CNOT4: variants seen among roughly 807,000 people sequenced by gnomAD.
CNOT4 encodes the protein CCR4-NOT transcription complex subunit 4, also known as CCR4-associated factor 4.
CNOT4 carries 8 observed loss-of-function variants against 73.8 expected under a neutral mutation model. That is an observed-to-expected ratio of 0.11 (90% CI 0.06 to 0.20). CNOT4 has a LOEUF of 0.20. Ranked by LOEUF, CNOT4 falls within the 10% of genes least tolerant of loss-of-function variation. The pLI is 1.00. For missense variants in CNOT4, 564 were observed against 883.4 expected (o/e 0.64, Z 4.58); for synonymous variants, 293 against 321.1 (o/e 0.91, Z 0.94).
chr7:135,381,176 A>G (rs904056756), intron 10 of CNOT4, among the ~76,000 whole-genome samples: 4 of 152,246 alleles, frequency 2.6e-5, no homozygotes, highest in African/African-American at 9.6e-5. Flanking sequence ...AAATACATGA[A>G]TAGACATAGG....
At chr7:135,500,372 T>G (rs570900079) in intron 1 of CNOT4, among the ~76,000 whole-genome samples, 80 of 152,178 alleles carry the variant, frequency 5.3e-4, no homozygotes, top group Non-Finnish European at 8.5e-4. Flanking sequence ...AAATAAAATG[T>G]AAAATTTTCC....
chr7:135,456,673 A>G (rs184532842), intron 1 of CNOT4, among the ~76,000 whole-genome samples: 20 of 152,198 alleles, frequency 1.3e-4, no homozygotes, highest in African/African-American at 4.8e-4. Context: ...AATCATGTCT[A>G]GATTACTTAT....
chr7:135,363,228 T>C lies in CNOT4; in HGVS notation c.1841-42A>G. ...AAAAAGAGGGAAAATGGTGAGTTTG[T>C]GTGGAAAGAATAAGGTCGTCAAACA... is the stretch of plus-strand genomic sequence containing the variant. On this transcript the variant is annotated intron_variant, in intron 11 of 11. Transcript: ENST00000541284. This position sits in a 1 kb window ranked among gnomAD's most constrained non-coding sequence, Gnocchi z 4.3. 5 of 1,588,446 alleles carry C rather than the reference T, an allele frequency of 3.1e-6. No individual in the cohort carries two copies. The African/African-American group carries it at 4.0e-5, about 13-fold the overall frequency.
chr7:135,379,337 G>A (rs1333226972), intron 10 of CNOT4, among the ~76,000 whole-genome samples: 2 of 152,160 alleles, frequency 1.3e-5, no homozygotes, highest in Non-Finnish European at 2.9e-5. Flanking sequence ...TTAAAATGCA[G>A]GTGAGGTCTT....
At chr7:135,497,904 ATAGAG>A (rs754578195) in intron 1 of CNOT4, among the ~76,000 whole-genome samples, 6 of 152,362 alleles carry the variant, frequency 3.9e-5, no homozygotes, top group Non-Finnish European at 7.3e-5. Context: ...TACTGAATTA[ATAGAG>A]AAATTCAAAG....
At chr7:135,483,329 C>A (rs1802510155) in intron 1 of CNOT4, among the ~76,000 whole-genome samples, 1 of 149,704 alleles carries the variant, frequency 6.7e-6, no homozygotes, top group African/African-American at 2.5e-5. Context: ...CAGTTTAAGA[C>A]TTTGTCTCAA....
At chr7:135,424,327 T>C (rs1798372195) in intron 2 of CNOT4, among the ~76,000 whole-genome samples, 1 of 152,258 alleles carries the variant, frequency 6.6e-6, no homozygotes, top group Admixed American at 6.5e-5. Context: ...TTGAAGCTAT[T>C]TGGAGCTCTA....
At chr7:135,457,457 G>GT (rs1329477404) in intron 1 of CNOT4, among the ~76,000 whole-genome samples, 7 of 152,004 alleles carry the variant, frequency 4.6e-5, no homozygotes, top group Admixed American at 4.6e-4. Flanking sequence ...ATCTCGCATT[G>GT]TAAGGGATAT....
chr7:135,410,707 C>A, intron 6 of CNOT4, 59 bp from the exon 7 acceptor site: 1 of 1,221,988 alleles, frequency 8.2e-7, no homozygotes, highest in Non-Finnish European at 1.1e-6. Context: ...GTATAAAATA[C>A]TGAATAATCT....
intron 10 of CNOT4, among the ~76,000 whole-genome samples, chr7:135,370,590 T>C (rs1373998618): frequency 6.6e-6 from 1 of 152,220 alleles, no homozygotes; most frequent in African/African-American, 2.4e-5. Flanking sequence ...ACAACTCCGC[T>C]GAAAAGCCTG....
At chr7:135,382,020 T>A (rs1229595976) in intron 10 of CNOT4, among the ~76,000 whole-genome samples, 1 of 152,174 alleles carries the variant, frequency 6.6e-6, no homozygotes, top group East Asian at 1.9e-4. Context: ...AAGTCAATAG[T>A]TGCCTTAGGA....
rs922802351 is a variant in CNOT4 at position 135,447,065 on chromosome 7, T to C, written c.-92-8642A>G. On this transcript the variant is annotated intron_variant, in intron 1 of 11. Transcript: ENST00000541284. ...CATGCAGCTACAACATGGCTTCCAG[T>C]AAATACTAAGCATTCACACATTTGA... Among the ~76,000 whole-genome samples, 9 of 144,024 alleles carry C rather than the reference T, an allele frequency of 6.2e-5. No homozygotes were observed. In the South Asian group the frequency reaches 6.8e-4, roughly 11 times the overall value. 94.5% of individuals were successfully genotyped at this position (144,024 alleles called of 152,430 possible). A position where few individuals can be genotyped will look rare whatever the true frequency, so the allele number is the denominator to read the frequency against.
intron 1 of CNOT4, among the ~76,000 whole-genome samples, chr7:135,491,688 A>G (rs1803122295): frequency 6.6e-6 from 1 of 152,212 alleles, no homozygotes; most frequent in Admixed American, 6.5e-5. Context: ...ACAGAAAGAG[A>G]GCAAGAAAGA....
chr7:135,496,446 A>G (rs942118573), intron 1 of CNOT4, among the ~76,000 whole-genome samples: 1 of 152,060 alleles, frequency 6.6e-6, no homozygotes, highest in Non-Finnish European at 1.5e-5. Context: ...CCTCCCTGCA[A>G]TCTGATTTAT....
At chr7:135,503,494 C>T (rs1030350859) in intron 1 of CNOT4, among the ~76,000 whole-genome samples, 1 of 151,622 alleles carries the variant, frequency 6.6e-6, no homozygotes, top group African/African-American at 2.4e-5. Context: ...ACGAATGAAA[C>T]AATGTAATGA....
intron 7 of CNOT4, among the ~76,000 whole-genome samples, chr7:135,409,173 T>G (rs1797459919): frequency 6.6e-6 from 1 of 152,138 alleles, no homozygotes; most frequent in Non-Finnish European, 1.5e-5. Flanking sequence ...CTACAATAAC[T>G]TCATTCTTAT....
At chr7:135,498,063 G>A (rs1214072937) in intron 1 of CNOT4, among the ~76,000 whole-genome samples, 2 of 152,102 alleles carry the variant, frequency 1.3e-5, no homozygotes, top group East Asian at 1.9e-4. Context: ...TTTTACAAAT[G>A]AGGAAGCTGA....
At chr7:135,492,543 G>A (rs765594291) in intron 1 of CNOT4, among the ~76,000 whole-genome samples, 1 of 152,210 alleles carries the variant, frequency 6.6e-6, no homozygotes. Context: ...CTGTTGAGTT[G>A]AGGTACCAGG....
chr7:135,485,595 C>T (rs1220989058), intron 1 of CNOT4, among the ~76,000 whole-genome samples: 2 of 152,040 alleles, frequency 1.3e-5, no homozygotes, highest in African/African-American at 2.4e-5. Flanking sequence ...TGTGTCCACA[C>T]AAATATGCCC....
Sources: allele counts gnomAD v4.1 joint callset (sites outside exome capture counted in the v4.1 genomes callset), GRCh38; gene constraint gnomAD v4.1.1; non-coding constraint Gnocchi (gnomAD v3.1); transcripts MANE v1.5; gene names NCBI Gene and HGNC (gene_info 2026-07-23, HGNC 2026-07-21).